Variants in LARP4 observed in about 807,000 individuals in gnomAD.
LARP4 encodes La ribonucleoprotein 4, also known as la-related protein 4.
In LARP4, 29 loss-of-function variants were observed where a neutral mutation model predicts 92.9. The ratio of observed to expected loss-of-function variants is 0.31; its 90% CI spans 0.23 to 0.43. LARP4 has a LOEUF of 0.43. Among genes scored for constraint, LARP4 ranks in the 20% least tolerant of loss-of-function variants. The pLI, the probability that LARP4 is intolerant of heterozygous loss-of-function variation, is 1.00. For synonymous variants in LARP4, 279 were observed against 284.1 expected (o/e 0.98, Z 0.18); for missense variants, 732 against 860.0 (o/e 0.85, Z 1.86).
At chr12:50,411,056 G>A (rs1460990434) in intron 1 of LARP4, among the ~76,000 whole-genome samples, 2 of 152,128 alleles carry the variant, frequency 1.3e-5, no homozygotes, top group African/African-American at 2.4e-5. Flanking sequence ...GGGTGGTCCA[G>A]TTTCCTTGCT....
At chr12:50,427,966 C>T (rs1949047846) in intron 2 of LARP4, 57 bp downstream of exon 2, 1 of 1,045,094 alleles carries the variant, frequency 9.6e-7, no homozygotes, top group African/African-American at 1.6e-5. Context: ...TATGGCCAAG[C>T]AAGTTTACTG....
intron 13 of LARP4, among the ~76,000 whole-genome samples, chr12:50,469,939 G>A (rs145487742): frequency 7.3e-5 from 2 of 27,390 alleles, no homozygotes; most frequent in East Asian, 1.7e-3. Context: ...AAAATAAATA[G>A]GCAGGCACAT....
intron 1 of LARP4, among the ~76,000 whole-genome samples, chr12:50,425,380 C>T (rs755566078): frequency 3.3e-5 from 5 of 152,136 alleles, no homozygotes; most frequent in Non-Finnish European, 5.9e-5. Context: ...TTACCATTTG[C>T]CATCTTCTTG....
chr12:50,460,985 A>G, intron 10 of LARP4, 150 bp from the exon 11 acceptor site: 1 of 666,356 alleles, frequency 1.5e-6, no homozygotes, highest in Non-Finnish European at 2.6e-6. Context: ...TGGAATGTAA[A>G]AGGGGCAACA....
At chr12:50,449,413 C>T (rs185893258) in intron 8 of LARP4, among the ~76,000 whole-genome samples, 1 of 152,052 alleles carries the variant, frequency 6.6e-6, no homozygotes, top group Admixed American at 6.6e-5. Context: ...ATTCTCTGTC[C>T]TTTCTCTCCT....
chr12:50,465,848 GGTT>G (rs1284367132), intron 12 of LARP4, among the ~76,000 whole-genome samples: 2 of 152,088 alleles, frequency 1.3e-5, no homozygotes, highest in Non-Finnish European at 2.9e-5. Flanking sequence ...AAGCAAAACA[GGTT>G]GTTTTAACAG....
At chr12:50,465,075 C>T (rs11169435) in intron 12 of LARP4, among the ~76,000 whole-genome samples, 2 of 151,728 alleles carry the variant, frequency 1.3e-5, no homozygotes, top group Non-Finnish European at 2.9e-5. Context: ...AGATTAGGCC[C>T]TGCATGGTGG....
intron 8 of LARP4, among the ~76,000 whole-genome samples, chr12:50,442,038 A>C (rs1006351163): frequency 2.6e-5 from 4 of 152,214 alleles, no homozygotes; most frequent in African/African-American, 9.6e-5. Flanking sequence ...GGACAGAGCA[A>C]GACCTTGTCT....
rs1950876866 is a variant in LARP4, at chr12:50,439,348, G to A, written c.640-1091G>A. ...GTACCAAATGTTTTGTTGGGTTTTT[G>A]AGGAGTTTTTTGTTTTTTGCTTTTA... On this transcript the variant is annotated intron_variant, in intron 6 of 15. Coordinates refer to ENST00000398473, the MANE Select transcript of LARP4 (RefSeq NM_052879.5). Among the ~76,000 whole-genome samples the A allele has an allele frequency of 2.0e-5, 3 of 152,150 alleles. No individual in the cohort carries two copies. The South Asian group carries it at 6.2e-4, about 32-fold the overall frequency.
chr12:50,434,538 C>T (rs1336645709), intron 4 of LARP4, among the ~76,000 whole-genome samples: 3 of 151,082 alleles, frequency 2.0e-5, no homozygotes, highest in Non-Finnish European at 2.9e-5. Context: ...CTTGCCTCAG[C>T]ACCCCGAGTA....
intron 8 of LARP4, among the ~76,000 whole-genome samples, chr12:50,451,832 G>T (rs924258967): frequency 3.3e-5 from 5 of 151,304 alleles, no homozygotes; most frequent in Admixed American, 1.3e-4. Flanking sequence ...GTGAGACTCT[G>T]TGTCTTAAAA....
chr12:50,426,655 C>T (rs1469152528), intron 1 of LARP4, among the ~76,000 whole-genome samples: 1 of 145,552 alleles, frequency 6.9e-6, no homozygotes, highest in Non-Finnish European at 1.5e-5. Context: ...ATGAATGAAC[C>T]TAGGCATGGA....
At chr12:50,448,762 T>C (rs1952634352) in intron 8 of LARP4, among the ~76,000 whole-genome samples, 2 of 152,108 alleles carry the variant, frequency 1.3e-5, no homozygotes. Flanking sequence ...TGACCTCAGT[T>C]GATCTGCCTG....
intron 12 of LARP4, 55 bp from the exon 13 acceptor site, chr12:50,466,904 C>G: frequency 2.7e-6 from 4 of 1,503,084 alleles, no homozygotes; most frequent in Non-Finnish European, 3.6e-6. Context: ...TTCTGTGACA[C>G]AGGATTAGGG....
At chr12:50,418,320 A>G (rs1191660130) in intron 1 of LARP4, among the ~76,000 whole-genome samples, 1 of 152,142 alleles carries the variant, frequency 6.6e-6, no homozygotes, top group Non-Finnish European at 1.5e-5. Flanking sequence ...ATGTTCTTAA[A>G]AATAGAGAAG....
At chr12:50,471,775 G>A (rs1384283952) in intron 13 of LARP4, among the ~76,000 whole-genome samples, 1 of 152,096 alleles carries the variant, frequency 6.6e-6, no homozygotes, top group East Asian at 1.9e-4. Flanking sequence ...CACCCACCTC[G>A]GCCTCCCAAA....
intron 13 of LARP4, among the ~76,000 whole-genome samples, chr12:50,470,496 C>A (rs1166983917): frequency 6.6e-6 from 1 of 151,394 alleles, no homozygotes; most frequent in South Asian, 2.1e-4. Context: ...TGCAGTGGCG[C>A]GATCTCGGCT....
At chr12:50,444,107 C>G (rs914469190) in intron 8 of LARP4, among the ~76,000 whole-genome samples, 8 of 152,088 alleles carry the variant, frequency 5.3e-5, no homozygotes, top group African/African-American at 1.9e-4. Context: ...GAATTCTGTT[C>G]AATTTATTGG....
chr12:50,437,847 T>A lies in LARP4; in HGVS notation c.639+9T>A, dbSNP rs759987855. The A allele has an allele frequency of 7.0e-7, 1 of 1,436,748 alleles. No individual in the cohort carries two copies. Among genetic ancestry groups the A allele is most frequent in the South Asian group, 1.2e-5 (1 of 85,248 alleles). 89.0% of individuals were successfully genotyped at this position (1,436,748 alleles called of 1,614,324 possible). ...AAACAACACCAATAGAGGTAAATTA[T>A]TAATAATTGTTAACACTAAATGTTC... is the stretch of plus-strand genomic sequence containing the variant. On this transcript the variant is annotated intron_variant, in intron 6 of 15. Transcript: ENST00000398473.
Sources: allele counts gnomAD v4.1 joint callset (sites outside exome capture counted in the v4.1 genomes callset), GRCh38; gene constraint gnomAD v4.1.1; transcripts MANE v1.5; gene names NCBI Gene and HGNC (gene_info 2026-07-23, HGNC 2026-07-21).